Variants in CAST observed in about 807,000 individuals in gnomAD.
CAST encodes the protein calpastatin, also known as MIR583 host.
A neutral mutation model predicts 119.6 loss-of-function variants in CAST; 76 were observed. That is an observed-to-expected ratio of 0.64 (90% confidence interval 0.53 to 0.77). The LOEUF is 0.77. CAST is among the 30% of genes least tolerant of loss of function. The probability of loss-of-function intolerance (pLI) is 0.00; values close to 1 mark genes in which losing one functional copy is unlikely to be tolerated. For synonymous variants in CAST, 319 were observed against 331.6 expected (o/e 0.96, Z 0.41); for missense variants, 953 against 946.5 (o/e 1.01, Z -0.09).
At chr5:95,972,329 C>G in the CAST span, among the ~76,000 whole-genome samples, 1 of 152,030 alleles carries the variant, frequency 6.6e-6, no homozygotes, top group East Asian at 1.9e-4. Context: ...AACTATTGCT[C>G]ATAGTGACTG....
the CAST span, among the ~76,000 whole-genome samples, chr5:96,026,123 G>C: frequency 6.6e-6 from 1 of 152,180 alleles, no homozygotes; most frequent in Non-Finnish European, 1.5e-5. Flanking sequence ...CGTGGTCCCA[G>C]CTGCTCAGGG....
At chr5:96,588,851 A>C (rs1486271603) in intron 1 of CAST, among the ~76,000 whole-genome samples, 1 of 152,228 alleles carries the variant, frequency 6.6e-6, no homozygotes. Flanking sequence ...TACTTCATAT[A>C]GAAAAAGCTC....
chr5:96,715,694 T>C (rs913127521), intron 3 of CAST, among the ~76,000 whole-genome samples: 1 of 152,220 alleles, frequency 6.6e-6, no homozygotes, highest in Non-Finnish European at 1.5e-5. Context: ...ATCCAATAAA[T>C]AGTCCCTGCC....
At chr5:96,269,275 ATATC>A in the CAST span, among the ~76,000 whole-genome samples, 1 of 152,212 alleles carries the variant, frequency 6.6e-6, no homozygotes, top group Non-Finnish European at 1.5e-5. Context: ...ACAATTATAA[ATATC>A]TATATACCCA....
At chr5:95,994,325 T>C in the CAST span, among the ~76,000 whole-genome samples, 1 of 152,246 alleles carries the variant, frequency 6.6e-6, no homozygotes, top group East Asian at 1.9e-4. Context: ...TATGGATTTC[T>C]ATTTTGCAAT....
rs74318090 is a variant in CAST at position 96,702,248 on chromosome 5, A to T, written c.210+6341A>T. ...CAATATTTATTAGTTGGCCTTCTAT[A>T]TGAAAGAGTGGCTTAACCCCTCTAT... On this transcript the variant is annotated intron_variant, in intron 3 of 31. Transcript: ENST00000675179. Among the ~76,000 whole-genome samples the T allele has an allele frequency of 4.3e-3, 656 of 152,300 alleles. 11 individuals carry two copies. The highest frequency in any genetic ancestry group is 0.015 in the African/African-American group (621 of 41,562).
intron 1 of CAST, among the ~76,000 whole-genome samples, chr5:96,531,875 A>G (rs1745695795): frequency 6.6e-6 from 1 of 152,238 alleles, no homozygotes; most frequent in African/African-American, 2.4e-5. Context: ...TGACTTCAAA[A>G]TAAAAAATTC....
the CAST span, among the ~76,000 whole-genome samples, chr5:96,490,098 G>T: frequency 6.6e-6 from 1 of 152,114 alleles, no homozygotes; most frequent in Non-Finnish European, 1.5e-5. Flanking sequence ...CACTGGCAAG[G>T]GCCATATAAG....
chr5:96,157,328 C>T, the CAST span, among the ~76,000 whole-genome samples: 1 of 152,212 alleles, frequency 6.6e-6, no homozygotes, highest in Non-Finnish European at 1.5e-5. Context: ...TAAGATCCTC[C>T]AGCTTTATAA....
chr5:96,072,635 T>C, the CAST span, among the ~76,000 whole-genome samples: 2 of 152,232 alleles, frequency 1.3e-5, no homozygotes, highest in Non-Finnish European at 2.9e-5. Context: ...ATCCCTGGCA[T>C]AGCTGTGTAC....
the CAST span, among the ~76,000 whole-genome samples, chr5:96,016,206 G>A: frequency 1.3e-5 from 2 of 152,172 alleles, no homozygotes; most frequent in African/African-American, 2.4e-5. Flanking sequence ...AATCATGTAC[G>A]CCAATTCTTA....
the CAST span, among the ~76,000 whole-genome samples, chr5:96,103,587 A>G: frequency 6.6e-6 from 1 of 150,704 alleles, no homozygotes; most frequent in East Asian, 2.0e-4. Flanking sequence ...CATTTTCTTA[A>G]TCCAGTCTAT....
At chr5:95,993,928 TA>T in the CAST span, among the ~76,000 whole-genome samples, 96 of 152,118 alleles carry the variant, frequency 6.3e-4, 1 homozygote, top group Middle Eastern at 3.4e-3. Flanking sequence ...TAATTTAAAT[TA>T]AATTAATTTA....
the CAST span, among the ~76,000 whole-genome samples, chr5:96,346,231 C>G: frequency 6.6e-6 from 1 of 152,158 alleles, no homozygotes. Flanking sequence ...CGGGCTTGAG[C>G]TCCTGAGTAG....
chr5:96,207,964 A>G, the CAST span, among the ~76,000 whole-genome samples: 2 of 152,098 alleles, frequency 1.3e-5, no homozygotes, highest in East Asian at 3.9e-4. Context: ...TTAGGGATTC[A>G]ATTTTGGAAC....
chr5:96,337,810 G>A, the CAST span, among the ~76,000 whole-genome samples: 4 of 152,284 alleles, frequency 2.6e-5, no homozygotes, highest in East Asian at 5.8e-4. Context: ...CAAATCAATG[G>A]TTTTACTTCT....
chr5:96,585,311 C>T (rs1746840210), intron 1 of CAST, among the ~76,000 whole-genome samples: 1 of 152,114 alleles, frequency 6.6e-6, no homozygotes, highest in South Asian at 2.1e-4. Flanking sequence ...CAGTTGATTT[C>T]CCCACCTCCA....
At chr5:96,404,258 T>C in the CAST span, among the ~76,000 whole-genome samples, 4 of 152,186 alleles carry the variant, frequency 2.6e-5, no homozygotes, top group East Asian at 7.7e-4. Flanking sequence ...TTGGTTAAGG[T>C]ATTACTAGCA....
the CAST span, among the ~76,000 whole-genome samples, chr5:96,286,008 G>A: frequency 1.4e-3 from 218 of 152,318 alleles, no homozygotes; most frequent in African/African-American, 5.0e-3. Flanking sequence ...ATTACAAAGT[G>A]AGGCTGAAAA....
Sources: gnomAD v4.1 joint callset for allele counts (sites outside exome capture counted in the v4.1 genomes callset) on GRCh38, gnomAD v4.1.1 for gene constraint, MANE v1.5 for transcripts, NCBI Gene and HGNC (gene_info 2026-07-23, HGNC 2026-07-21) for gene names.